Variants in CCDC3 observed in about 807,000 individuals in gnomAD.
CCDC3 encodes coiled-coil domain-containing protein 3.
Under a neutral mutation model 21.4 loss-of-function variants are expected in CCDC3, and 24 were observed. The ratio of observed to expected loss-of-function variants is 1.12; its 90% confidence interval spans 0.81 to 1.58. The LOEUF (loss-of-function observed/expected upper bound fraction) is 1.58, where lower values mean the gene tolerates loss of function less well. CCDC3 is among the 40% of genes most tolerant of loss of function. The probability of loss-of-function intolerance (pLI) is 0.00; values close to 1 mark genes in which losing one functional copy is unlikely to be tolerated. For missense variants in CCDC3, 425 were observed against 360.9 expected (o/e 1.18, Z -1.44); for synonymous variants, 186 against 166.0 (o/e 1.12, Z -0.93).
intron 3 of CCDC3, among the ~76,000 whole-genome samples, chr10:13,092,310 G>GA (rs1832581474): frequency 6.6e-6 from 1 of 152,176 alleles, no homozygotes; most frequent in Non-Finnish European, 1.5e-5. Flanking sequence ...AAGACACAGT[G>GA]AATGGGAAAG....
intron 2 of CCDC3, among the ~76,000 whole-genome samples, chr10:12,899,902 T>A (rs1254110096): frequency 6.6e-6 from 1 of 152,194 alleles, no homozygotes. Flanking sequence ...CCCACCCAAA[T>A]CTCATCTTGA....
Position 12,898,546 on chromosome 10 carries a change from A to G in CCDC3, c.683T>C (p.Leu228Ser), listed in dbSNP as rs1283548256. Reference protein sequence around the residue: ...RERVKKVKRSLRQARKKGRHL... With the variant: ...RERVKKVKRSSRQARKKGRHL... ...GCGGCCCTTCTTACGCGCCTGCCGCAAGGACCTCTTGACCTTCTTCACTCG... is the reference window on the plus strand; with the variant it reads ...GCGGCCCTTCTTACGCGCCTGCCGCGAGGACCTCTTGACCTTCTTCACTCG... Residue 228 changes from leucine to serine, a missense_variant, in exon 3 of 3, where the codon TTG (leucine) becomes TCG (serine). By Grantham distance (145) the Leu-to-Ser change is moderately radical (BLOSUM62 -2). Coordinates refer to ENST00000378825, the MANE Select transcript of CCDC3 (RefSeq NM_031455.4). The G allele has an allele frequency of 1.2e-6, 2 of 1,614,160 alleles. No homozygotes were observed. The highest frequency in any genetic ancestry group is 1.7e-6 in the Non-Finnish European group (2 of 1,180,016).
intron 2 of CCDC3, among the ~76,000 whole-genome samples, chr10:12,963,857 A>G (rs1221220957): frequency 6.6e-6 from 1 of 152,126 alleles, no homozygotes; most frequent in Non-Finnish European, 1.5e-5. Flanking sequence ...TGCTGGGATT[A>G]CTGGCGTGAG....
At chr10:12,956,678 G>C (rs897511341) in intron 2 of CCDC3, among the ~76,000 whole-genome samples, 6 of 152,318 alleles carry the variant, frequency 3.9e-5, no homozygotes, top group East Asian at 1.9e-4. Context: ...CTAAACTTTA[G>C]TCAAGCTCCT....
At chr10:13,093,241 C>CGGGG (rs1832597039) in intron 3 of CCDC3, among the ~76,000 whole-genome samples, 3 of 152,092 alleles carry the variant, frequency 2.0e-5, no homozygotes, top group Non-Finnish European at 4.4e-5. Flanking sequence ...AGGCGAAAAG[C>CGGGG]ACATCTTACA....
At chr10:12,927,188 C>A (rs1426006717) in intron 2 of CCDC3, among the ~76,000 whole-genome samples, 1 of 152,166 alleles carries the variant, frequency 6.6e-6, no homozygotes, top group African/African-American at 2.4e-5. Flanking sequence ...CTCCATGTAG[C>A]CTCACCACTA....
At chr10:13,058,256 G>T in intron 4 of CCDC3, 3 of 1,378,300 alleles carry the variant, frequency 2.2e-6, no homozygotes, top group Non-Finnish European at 3.1e-6. Flanking sequence ...GCAGGTAAAG[G>T]CACCTGGCTG....
chr10:12,972,509 C>A (rs181692393), intron 2 of CCDC3, among the ~76,000 whole-genome samples: 3 of 152,128 alleles, frequency 2.0e-5, no homozygotes, highest in African/African-American at 7.2e-5. Flanking sequence ...AGTCATATTC[C>A]AGAAGCTTTT....
At chr10:13,057,788 G>A (rs1451531612) in intron 4 of CCDC3, 2 of 247,888 alleles carry the variant, frequency 8.1e-6, no homozygotes, top group Non-Finnish European at 1.6e-5. Flanking sequence ...GCTGAGGTAG[G>A]AGAATCACTT....
chr10:12,970,782 A>T (rs1835329936), intron 2 of CCDC3, among the ~76,000 whole-genome samples: 1 of 151,670 alleles, frequency 6.6e-6, no homozygotes, highest in Admixed American at 6.6e-5. Context: ...GCTACTCAGG[A>T]GGTTGAGTGA....
chr10:12,981,614 A>G (rs1835498150), intron 2 of CCDC3, among the ~76,000 whole-genome samples: 1 of 152,190 alleles, frequency 6.6e-6, no homozygotes, highest in Non-Finnish European at 1.5e-5. Context: ...AGGCCAGTGA[A>G]GCCTCTTCAA....
intron 2 of CCDC3, among the ~76,000 whole-genome samples, chr10:12,899,273 TA>T (rs201702085): frequency 2.0e-5 from 3 of 151,646 alleles, no homozygotes; most frequent in Non-Finnish European, 2.9e-5. Context: ...CATAATAACA[TA>T]AAAAAAACAA....
At chr10:12,978,019 CTT>C (rs532349051) in intron 2 of CCDC3, among the ~76,000 whole-genome samples, 1 of 144,094 alleles carries the variant, frequency 6.9e-6, no homozygotes. Flanking sequence ...TTTCCACACT[CTT>C]TTTTTTTTTT....
intron 1 of CCDC3, 124 bp from the exon 2 acceptor site, chr10:12,998,636 A>G: frequency 2.5e-6 from 2 of 785,860 alleles, no homozygotes; most frequent in East Asian, 5.1e-5. Flanking sequence ...CATGGCTCTC[A>G]TTAGAGGAGT....
At chr10:12,948,500 G>A (rs982625699) in intron 2 of CCDC3, among the ~76,000 whole-genome samples, 7 of 151,670 alleles carry the variant, frequency 4.6e-5, no homozygotes, top group Admixed American at 1.3e-4. Context: ...CACACGGGAG[G>A]GGCCACCTTC....
chr10:12,964,315 T>C (rs1031158462), intron 2 of CCDC3, among the ~76,000 whole-genome samples: 1 of 151,394 alleles, frequency 6.6e-6, no homozygotes, highest in African/African-American at 2.4e-5. Context: ...GAGGTTGCAG[T>C]GAGCTGAGAT....
intron 4 of CCDC3, among the ~76,000 whole-genome samples, chr10:13,062,751 C>A (rs1162184859): frequency 6.6e-6 from 1 of 152,114 alleles, no homozygotes; most frequent in Non-Finnish European, 1.5e-5. Context: ...TAACATTAGC[C>A]ACAAGATTAG....
chr10:13,010,941 CGAGGCCGAGG>C (rs2131398530), intron 5 of CCDC3, among the ~76,000 whole-genome samples: 1 of 152,190 alleles, frequency 6.6e-6, no homozygotes, highest in South Asian at 2.1e-4. Flanking sequence ...CAGCACTTTG[CGAGGCCGAGG>C]TGGGTGGATC....
intron 2 of CCDC3, among the ~76,000 whole-genome samples, chr10:12,906,479 G>A (rs1286138495): frequency 2.6e-5 from 4 of 152,140 alleles, no homozygotes; most frequent in Admixed American, 6.5e-5. Context: ...CCTCTCCTGC[G>A]TCCGCTTCCT....
Sources: gnomAD v4.1 joint callset for allele counts (sites outside exome capture counted in the v4.1 genomes callset) on GRCh38, gnomAD v4.1.1 for gene constraint, MANE v1.5 for transcripts, NCBI Gene and HGNC (gene_info 2026-07-23, HGNC 2026-07-21) for gene names.